TCTN3: variants seen among roughly 807,000 people sequenced by gnomAD.
TCTN3 encodes the protein tectonic family member 3.
Under a neutral mutation model 71.3 loss-of-function variants are expected in TCTN3, and 57 were observed. The observed-to-expected ratio is 0.80, with a 90% confidence interval of 0.65 to 1.00. The LOEUF is 1.00. Ranked by LOEUF, TCTN3 falls within the 50% of genes least tolerant of loss-of-function variation. The probability of loss-of-function intolerance (pLI) is 0.00; values close to 1 mark genes in which losing one functional copy is unlikely to be tolerated. For synonymous variants in TCTN3, 258 were observed against 267.8 expected (o/e 0.96, Z 0.36); for missense variants, 696 against 719.9 (o/e 0.97, Z 0.38).
At chr10:95,682,114 G>A (rs572814514) in intron 12 of TCTN3, among the ~76,000 whole-genome samples, 1 of 151,658 alleles carries the variant, frequency 6.6e-6, no homozygotes, top group South Asian at 2.1e-4. Context: ...AGGATAGCCT[G>A]GGCCCAGAAG....
chr10:95,689,415 G>A (rs764855450), intron 3 of TCTN3, among the ~76,000 whole-genome samples: 2 of 152,130 alleles, frequency 1.3e-5, no homozygotes, highest in African/African-American at 2.4e-5. Flanking sequence ...AAACCCTAAC[G>A]CTTCCAAGAG....
chr10:95,690,995 C>T (rs2097952990), intron 3 of TCTN3, among the ~76,000 whole-genome samples: 1 of 152,154 alleles, frequency 6.6e-6, no homozygotes, highest in African/African-American at 2.4e-5. Flanking sequence ...ATATTCCTCC[C>T]TCAGGTGTTT....
intron 13 of TCTN3, among the ~76,000 whole-genome samples, chr10:95,674,670 T>C (rs532590021): frequency 6.6e-6 from 1 of 152,316 alleles, no homozygotes; most frequent in East Asian, 1.9e-4. Context: ...CAGACTCCTA[T>C]CCAAAAACAT....
intron 13 of TCTN3, among the ~76,000 whole-genome samples, chr10:95,668,723 A>G (rs1009823419): frequency 6.6e-6 from 1 of 152,242 alleles, no homozygotes; most frequent in African/African-American, 2.4e-5. Flanking sequence ...AGTGTCCAGT[A>G]AACAGTGAAT....
In TCTN3 at chr10:95,685,541, G is replaced by A. The variant is rs1204907580; in HGVS notation, c.969+15C>T. The stretch of plus-strand genomic sequence containing the variant: ...TAACACACATCAGTCCAGAATCTGA[G>A]GTCAGTATCCCTACCTGAGAAACTA... On this transcript the variant is annotated intron_variant, in intron 8 of 13. Coordinates refer to ENST00000371217, the MANE Select transcript of TCTN3 (RefSeq NM_015631.6). 5.2e-6 allele frequency: 8 copies of A among 1,543,226 alleles called. No individual in the cohort carries two copies. The highest frequency in any genetic ancestry group is 2.0e-5 in the Admixed American group (1 of 50,962).
rs2097949139 is a variant in TCTN3 at position 95,687,129 on chromosome 10, G to C, written c.767C>G (p.Thr256Ser). The C allele has an allele frequency of 1.9e-6, 3 of 1,614,086 alleles. No individual in the cohort carries two copies. Among genetic ancestry groups the C allele is most frequent in the South Asian group, 2.2e-5 (2 of 91,092 alleles). The change falls in exon 6 of 14, where the codon ACT (threonine) becomes AGT (serine). Residue 256 changes from threonine to serine, a missense_variant. Transcript: ENST00000371217. ...GFLESKSTTC[T>S]RFFKNLASSC... is the part of the protein sequence containing the mutation. ...ACTAGCCAGGTTCTTGAAAAAACGAGTGCAAGTTGTACTTTTACTCTCTAG... is the reference window on the plus strand; with the variant it reads ...ACTAGCCAGGTTCTTGAAAAAACGACTGCAAGTTGTACTTTTACTCTCTAG...
rs1457222909 is a variant in TCTN3 at position 95,693,919 on chromosome 10, G to C, written c.-20C>G. ...GCGCATGGGGCATTCAGGGCCTCCG[G>C]GTCCGACGTAGGCCTCCGCGGTCTC... On this transcript the variant is annotated 5_prime_UTR_variant, in exon 1 of 14. Transcript: ENST00000371217. The C allele has an allele frequency of 1.3e-6, 2 of 1,551,548 alleles. No individual in the cohort carries two copies. Among genetic ancestry groups the C allele is most frequent in the South Asian group, 1.2e-5 (1 of 84,058 alleles).
chr10:95,689,489 T>C (rs2097951695), intron 3 of TCTN3, among the ~76,000 whole-genome samples: 1 of 152,222 alleles, frequency 6.6e-6, no homozygotes, highest in African/African-American at 2.4e-5. Context: ...ATTTACCTCA[T>C]GTAAAATGCA....
rs1433588256 is a variant in TCTN3, at chr10:95,670,330, A to G, written c.1591-6030T>C. ...TTACTAGGTAACCAGATAATACCAA[A>G]TGTTATTGACCTACTTTATTTTATT... On this transcript the variant is annotated intron_variant, in intron 13 of 13. Transcript: ENST00000371217. Among the ~76,000 whole-genome samples, 3 of 145,892 alleles carry G rather than the reference A, an allele frequency of 2.1e-5. No homozygotes were observed. The East Asian group carries it at 6.1e-4, about 29-fold the overall frequency.
At chr10:95,685,703 A>G (rs935739911) in intron 7 of TCTN3, 67 bp from the exon 8 acceptor site, 2 of 1,267,642 alleles carry the variant, frequency 1.6e-6, no homozygotes, top group South Asian at 1.3e-5. Flanking sequence ...CTATTAATAG[A>G]TATCATGCTA....
chr10:95,682,131 A>G (rs2097943563), intron 12 of TCTN3, among the ~76,000 whole-genome samples: 1 of 150,908 alleles, frequency 6.6e-6, no homozygotes, highest in African/African-American at 2.4e-5. Flanking sequence ...GAAGGTTGAG[A>G]ATGCAATGAG....
intron 12 of TCTN3, among the ~76,000 whole-genome samples, chr10:95,682,174 A>G (rs1047931499): frequency 1.4e-5 from 2 of 147,934 alleles, no homozygotes; most frequent in African/African-American, 5.0e-5. Flanking sequence ...CAGCCTAGGT[A>G]AGAGTTCAAG....
In TCTN3 at chr10:95,667,397, A is replaced by G. The variant is rs140223779; in HGVS notation, c.1591-3097T>C. On this transcript the variant is annotated intron_variant, in intron 13 of 13. Coordinates refer to ENST00000371217, the MANE Select transcript of TCTN3 (RefSeq NM_015631.6). The stretch of plus-strand genomic sequence containing the variant: ...CAGAAAGCAGATGGCAGCAAGGTTT[A>G]ACAGAGAGAAAGAAGGCCAAACCTG... 7.5e-3 allele frequency among the ~76,000 whole-genome samples: 1,147 copies of G among 152,334 alleles called. 10 individuals carry two copies. Among genetic ancestry groups the G allele is most frequent in the Non-Finnish European group, 0.013 (864 of 68,022 alleles).
At chr10:95,683,266 G>T in intron 10 of TCTN3, 71 bp from the exon 11 acceptor site, 1 of 1,546,626 alleles carries the variant, frequency 6.5e-7, no homozygotes, top group South Asian at 1.2e-5. Context: ...CAAAATTTAT[G>T]TTCTCATTCT....
intron 8 of TCTN3, among the ~76,000 whole-genome samples, 169 bp from the exon 9 acceptor site, chr10:95,684,793 T>C (rs190035553): frequency 6.6e-6 from 1 of 152,226 alleles, no homozygotes; most frequent in African/African-American, 2.4e-5. Context: ...GATGATTTCA[T>C]ATTATATTTG....
intron 3 of TCTN3, among the ~76,000 whole-genome samples, chr10:95,689,351 G>A (rs2097951578): frequency 6.6e-6 from 1 of 152,194 alleles, no homozygotes; most frequent in Admixed American, 6.5e-5. Context: ...TGAAACAGGT[G>A]ATGTTGATGC....
intron 7 of TCTN3, 24 bp downstream of exon 7, chr10:95,686,471 T>C: frequency 6.2e-7 from 1 of 1,613,384 alleles, no homozygotes; most frequent in Non-Finnish European, 8.5e-7. Context: ...CTTTTTCTTT[T>C]TTCCTGGTAC....
intron 13 of TCTN3, among the ~76,000 whole-genome samples, chr10:95,670,070 A>T (rs1237922555): frequency 6.6e-6 from 1 of 151,272 alleles, no homozygotes; most frequent in Non-Finnish European, 1.5e-5. Flanking sequence ...TCAAAAAAAA[A>T]AAAAAAAAAA....
chr10:95,671,476 A>G (rs1222911085), intron 13 of TCTN3, among the ~76,000 whole-genome samples: 1 of 152,228 alleles, frequency 6.6e-6, no homozygotes, highest in Admixed American at 6.5e-5. Flanking sequence ...TAAGAAGTAC[A>G]CCCTATACAT....
Sources: allele counts gnomAD v4.1 joint callset (sites outside exome capture counted in the v4.1 genomes callset), GRCh38; gene constraint gnomAD v4.1.1; transcripts MANE v1.5; gene names NCBI Gene and HGNC (gene_info 2026-07-23, HGNC 2026-07-21).